MYRIP: variants seen among roughly 807,000 people sequenced by gnomAD.
MYRIP encodes myosin VIIA and Rab interacting protein.
MYRIP carries 49 observed loss-of-function variants against 98.0 expected under a neutral mutation model. That is an observed-to-expected ratio of 0.50 (90% CI 0.40 to 0.63). The LOEUF (loss-of-function observed/expected upper bound fraction) is 0.63, where lower values mean the gene tolerates loss of function less well. Among genes scored for constraint, MYRIP ranks in the 30% least tolerant of loss-of-function variants. The probability of loss-of-function intolerance (pLI) is 0.00; values close to 1 mark genes in which losing one functional copy is unlikely to be tolerated. For missense variants in MYRIP, 1,004 were observed against 1,058.2 expected (o/e 0.95, Z 0.71); for synonymous variants, 404 against 409.5 (o/e 0.99, Z 0.16).
intron 2 of MYRIP, among the ~76,000 whole-genome samples, chr3:40,015,583 A>T (rs2125800676): frequency 6.6e-6 from 1 of 152,306 alleles, no homozygotes; most frequent in East Asian, 1.9e-4. Flanking sequence ...AGGGAGCCAG[A>T]TTCTGCACAA....
intron 2 of MYRIP, among the ~76,000 whole-genome samples, chr3:39,964,503 T>C (rs1345870332): frequency 1.3e-5 from 2 of 152,156 alleles, no homozygotes; most frequent in East Asian, 1.9e-4. Context: ...TATAGATAAA[T>C]TCTTAACACC....
Position 39,886,530 on chromosome 3 carries a change from G to A in MYRIP, c.-30-14257G>A, listed in dbSNP as rs1182879704. On this transcript the variant is annotated intron_variant, in intron 1 of 16. Transcript: ENST00000302541. ...AAATGGAAAACAAAAAAAGGCAGGG[G>A]TTGCAATCCTAGTCTCTGATAAAAC... is the stretch of plus-strand genomic sequence containing the variant. Among the ~76,000 whole-genome samples the A allele has an allele frequency of 1.7e-4, 26 of 151,504 alleles. No homozygotes were observed. In the East Asian group the frequency reaches 5.0e-3, roughly 29 times the overall value.
chr3:39,960,885 C>T (rs1258117640), intron 2 of MYRIP, among the ~76,000 whole-genome samples: 3 of 152,138 alleles, frequency 2.0e-5, no homozygotes, highest in Non-Finnish European at 4.4e-5. Flanking sequence ...TTCTGAAAAT[C>T]GATACCTCCC....
chr3:39,837,906 TAGTTCTCCTTGA>T (rs1375316211), intron 1 of MYRIP, among the ~76,000 whole-genome samples: 1 of 152,196 alleles, frequency 6.6e-6, no homozygotes, highest in African/African-American at 2.4e-5. Context: ...CAGTGGTTTG[TAGTTCTCCTTGA>T]AGAGGTCCTT....
rs139420183 is a variant in MYRIP, at chr3:39,902,085, T to C, written c.110+1159T>C. 3.8e-3 allele frequency among the ~76,000 whole-genome samples: 582 copies of C among 152,172 alleles called. 6 individuals carry two copies. Among genetic ancestry groups the C allele is most frequent in the African/African-American group, 0.014 (567 of 41,518 alleles). ...AACAGAGTCAAGGACGTCCCCAAGG[T>C]TTTTTGGCATAGGAAACTGAAGAAT... On this transcript the variant is annotated intron_variant, in intron 2 of 16. Transcript: ENST00000302541.
intron 12 of MYRIP, among the ~76,000 whole-genome samples, chr3:40,239,201 T>A (rs1952921006): frequency 6.6e-6 from 1 of 151,890 alleles, no homozygotes; most frequent in South Asian, 2.1e-4. Flanking sequence ...AATGATGATT[T>A]CCAATTTCAT....
At chr3:40,091,052 AAGC>A (rs1479759421) in intron 3 of MYRIP, among the ~76,000 whole-genome samples, 1 of 152,192 alleles carries the variant, frequency 6.6e-6, no homozygotes, top group Non-Finnish European at 1.5e-5. Context: ...CCTCAGCAGG[AAGC>A]AGCCCTCTGC....
chr3:39,985,063 T>C (rs1340215132), intron 2 of MYRIP, among the ~76,000 whole-genome samples: 9 of 112,146 alleles, frequency 8.0e-5, no homozygotes, highest in African/African-American at 1.4e-4. Context: ...CACCCACTTT[T>C]TGATGGGGTT....
intron 2 of MYRIP, among the ~76,000 whole-genome samples, chr3:39,931,258 T>C (rs1944530285): frequency 6.6e-6 from 1 of 152,076 alleles, no homozygotes; most frequent in Non-Finnish European, 1.5e-5. Flanking sequence ...AATTTTTTGT[T>C]AAATTTATAC....
intron 1 of MYRIP, among the ~76,000 whole-genome samples, chr3:39,834,493 C>T (rs1040681407): frequency 6.6e-6 from 1 of 151,896 alleles, no homozygotes; most frequent in Non-Finnish European, 1.5e-5. Flanking sequence ...TTAGAAAATA[C>T]CTTAAAATAA....
At chr3:40,157,469 G>C (rs894740443) in intron 4 of MYRIP, among the ~76,000 whole-genome samples, 3 of 150,868 alleles carry the variant, frequency 2.0e-5, no homozygotes, top group African/African-American at 4.9e-5. Context: ...TTTTGGTTGC[G>C]TCTCTGCCCG....
chr3:39,899,996 T>G (rs1381146163), intron 1 of MYRIP, among the ~76,000 whole-genome samples: 3 of 152,160 alleles, frequency 2.0e-5, no homozygotes, highest in Non-Finnish European at 4.4e-5. Flanking sequence ...AATTTTTGGA[T>G]CTGTAGTAGA....
chr3:40,213,934 C>A (rs1371121583), intron 11 of MYRIP, among the ~76,000 whole-genome samples: 1 of 152,186 alleles, frequency 6.6e-6, no homozygotes, highest in Non-Finnish European at 1.5e-5. Context: ...TTGAGCCATG[C>A]ACTGACTGCC....
intron 2 of MYRIP, among the ~76,000 whole-genome samples, chr3:40,002,595 G>A (rs1293318053): frequency 6.6e-6 from 1 of 151,828 alleles, no homozygotes; most frequent in Non-Finnish European, 1.5e-5. Context: ...CCCAAGATCT[G>A]CTCATAAACA....
chr3:40,208,623 T>G (rs928285077), intron 10 of MYRIP, among the ~76,000 whole-genome samples: 1 of 152,252 alleles, frequency 6.6e-6, no homozygotes, highest in Non-Finnish European at 1.5e-5. Context: ...TGCAAGGTCC[T>G]TGTACCATCT....
At chr3:40,162,897 T>G in intron 5 of MYRIP, 87 bp downstream of exon 5, 1 of 1,245,114 alleles carries the variant, frequency 8.0e-7, no homozygotes, top group South Asian at 1.2e-5. Context: ...GTCCCCCAGA[T>G]GCATTGTTAC....
chr3:39,886,451 G>A (rs1473259319), intron 1 of MYRIP, among the ~76,000 whole-genome samples: 104 of 147,836 alleles, frequency 7.0e-4, no homozygotes, highest in African/African-American at 2.4e-3. Context: ...CCCATCTCAC[G>A]TGCAGAGACA....
At chr3:40,051,193 A>G (rs761835327) in intron 3 of MYRIP, among the ~76,000 whole-genome samples, 1 of 152,194 alleles carries the variant, frequency 6.6e-6, no homozygotes, top group Non-Finnish European at 1.5e-5. Context: ...GAACTCTTTC[A>G]TGAAAGGAAG....
chr3:39,854,276 A>G (rs1942220973), intron 1 of MYRIP, among the ~76,000 whole-genome samples: 2 of 152,140 alleles, frequency 1.3e-5, no homozygotes, highest in South Asian at 4.1e-4. Context: ...CATTAGGAAT[A>G]CCAATTATTC....
Sources: gnomAD v4.1 joint callset for allele counts (sites outside exome capture counted in the v4.1 genomes callset) on GRCh38, gnomAD v4.1.1 for gene constraint, MANE v1.5 for transcripts, NCBI Gene and HGNC (gene_info 2026-07-23, HGNC 2026-07-21) for gene names.